OR1J2: variants seen among roughly 807,000 people sequenced by gnomAD.
The protein encoded by OR1J2 is olfactory receptor family 1 subfamily J member 2.
For synonymous variants in OR1J2, 142 were observed against 99.7 expected, an observed-to-expected ratio of 1.42 and a Z score of -2.52; for missense variants, 304 against 246.1, an observed-to-expected ratio of 1.24 and a Z score of -1.57.
At chr9:122,473,659 C>G in the OR1J2 span, among the ~76,000 whole-genome samples, 786 of 151,590 alleles carry the variant, frequency 5.2e-3, 24 homozygotes, top group Admixed American at 0.047. Context: ...TCTCTGTTGT[C>G]AATGCATAAT....
the OR1J2 span, among the ~76,000 whole-genome samples, chr9:122,579,510 TAGCTGCTGGATG>T: frequency 2.0e-5 from 3 of 152,136 alleles, no homozygotes; most frequent in African/African-American, 7.2e-5. Flanking sequence ...TGTCAACTAA[TAGCTGCTGGATG>T]AGGTTCTTAT....
At chr9:122,460,187 A>ATG in the OR1J2 span, among the ~76,000 whole-genome samples, 1 of 32,338 alleles carries the variant, frequency 3.1e-5, no homozygotes, top group Non-Finnish European at 6.2e-5. Flanking sequence ...GTGTGTATAT[A>ATG]TATATACACA....
chr9:122,477,931 A>G, the OR1J2 span: 3 of 1,575,858 alleles, frequency 1.9e-6, no homozygotes, highest in East Asian at 2.3e-5. Context: ...GCTCATGTTT[A>G]TATCAGCTGG....
the OR1J2 span, among the ~76,000 whole-genome samples, chr9:122,543,194 G>A: frequency 6.6e-5 from 10 of 152,034 alleles, no homozygotes; most frequent in African/African-American, 1.9e-4. Context: ...TGGGGATTCC[G>A]TTGCTCATAT....
At chr9:122,568,450 C>T in the OR1J2 span, 4 of 1,604,496 alleles carry the variant, frequency 2.5e-6, no homozygotes, top group South Asian at 4.5e-5. Context: ...AACTCGGAGA[C>T]ACTGCTGGTG....
the OR1J2 span, chr9:122,527,365 C>T: frequency 3.2e-5 from 26 of 819,604 alleles, no homozygotes; most frequent in Non-Finnish European, 4.4e-5. Context: ...TGTGGGCTGA[C>T]TCCCAAATCT....
At chr9:122,505,017 C>G in the OR1J2 span, among the ~76,000 whole-genome samples, 1 of 152,062 alleles carries the variant, frequency 6.6e-6, no homozygotes, top group Admixed American at 6.6e-5. Flanking sequence ...TGGGTTTTGC[C>G]TAGAATGCTG....
the OR1J2 span, among the ~76,000 whole-genome samples, chr9:122,572,060 T>A: frequency 6.6e-6 from 1 of 152,188 alleles, no homozygotes; most frequent in African/African-American, 2.4e-5. Flanking sequence ...GCATCTTACA[T>A]GGCAGGAGCA....
At chr9:122,478,392 A>T in the OR1J2 span, among the ~76,000 whole-genome samples, 76 of 152,308 alleles carry the variant, frequency 5.0e-4, no homozygotes, top group African/African-American at 1.7e-3. Flanking sequence ...CAAAGCAATT[A>T]TTTGACATTG....
At chr9:122,476,080 T>C in the OR1J2 span, among the ~76,000 whole-genome samples, 4 of 152,204 alleles carry the variant, frequency 2.6e-5, no homozygotes, top group Admixed American at 6.5e-5. Context: ...TTTTAAGGTA[T>C]ATTAAGTTCT....
chr9:122,480,987 G>T, the OR1J2 span, among the ~76,000 whole-genome samples: 1 of 151,902 alleles, frequency 6.6e-6, no homozygotes, highest in Non-Finnish European at 1.5e-5. Flanking sequence ...ATAGAGACGG[G>T]GTTTCACCAT....
the OR1J2 span, among the ~76,000 whole-genome samples, chr9:122,499,170 G>C: frequency 6.6e-6 from 1 of 152,218 alleles, no homozygotes; most frequent in Non-Finnish European, 1.5e-5. Context: ...GTTTACCTGC[G>C]GGTCCCTTGA....
the OR1J2 span, chr9:122,567,961 T>G: frequency 0.013 from 20,836 of 1,614,026 alleles, 186 homozygotes; most frequent in Non-Finnish European, 0.015. Flanking sequence ...TGGATAACAT[T>G]GGAGTCACAG....
chr9:122,520,522 C>T, the OR1J2 span, among the ~76,000 whole-genome samples: 4 of 152,098 alleles, frequency 2.6e-5, no homozygotes, highest in Admixed American at 2.0e-4. Flanking sequence ...CTATATAGTA[C>T]CCTTTACAGA....
chr9:122,519,972 T>C, the OR1J2 span: 1 of 1,614,162 alleles, frequency 6.2e-7, no homozygotes, highest in Non-Finnish European at 8.5e-7. Flanking sequence ...CTCTGTGATG[T>C]ACACGGTGAT....
At chr9:122,520,198 A>G in the OR1J2 span, 1 of 648,668 alleles carries the variant, frequency 1.5e-6, no homozygotes, top group Non-Finnish European at 2.5e-6. Flanking sequence ...CTTGAATTGC[A>G]TCCTGTTACA....
At chr9:122,512,157 A>G (rs992595400), downstream of OR1J2, among the ~76,000 whole-genome samples, 10 of 152,198 alleles carry the variant, frequency 6.6e-5, no homozygotes, top group Non-Finnish European at 1.2e-4. Context: ...TCATTAGTGA[A>G]GTAGTGCTTC....
chr9:122,515,050 G>T (rs561791905), downstream of OR1J2, among the ~76,000 whole-genome samples: 2 of 152,272 alleles, frequency 1.3e-5, no homozygotes, highest in South Asian at 4.1e-4. Flanking sequence ...AGCAATTAAT[G>T]CATGTTTATT....
chr9:122,482,025 A>G, the OR1J2 span, among the ~76,000 whole-genome samples: 1 of 152,162 alleles, frequency 6.6e-6, no homozygotes, highest in African/African-American at 2.4e-5. Flanking sequence ...ATTATATCAA[A>G]CTAAAAAGCT....
Sources: allele counts gnomAD v4.1 joint callset (sites outside exome capture counted in the v4.1 genomes callset), GRCh38; gene constraint gnomAD v4.1.1; transcripts MANE v1.5; gene names NCBI Gene and HGNC (gene_info 2026-07-23, HGNC 2026-07-21).